Variants in PTPRO observed in about 807,000 individuals in gnomAD.
PTPRO encodes receptor-type tyrosine-protein phosphatase O.
PTPRO carries 62 observed loss-of-function variants against 145.2 expected under a neutral mutation model. That is an observed-to-expected ratio of 0.43 (90% CI 0.35 to 0.53). The LOEUF (loss-of-function observed/expected upper bound fraction) is 0.53, where lower values mean the gene tolerates loss of function less well. Among genes scored for constraint, PTPRO ranks in the 20% least tolerant of loss-of-function variants. The pLI is 0.01. For missense variants in PTPRO, 1,345 were observed against 1,482.7 expected (o/e 0.91, Z 1.53); for synonymous variants, 565 against 514.7 (o/e 1.10, Z -1.32).
At chr12:15,418,904 C>T (rs76960364) in intron 1 of PTPRO, among the ~76,000 whole-genome samples, 2,136 of 151,758 alleles carry the variant, frequency 0.014, 29 homozygotes, top group South Asian at 0.035. Flanking sequence ...GTTTCCTCTA[C>T]ACACATAAAA....
intron 7 of PTPRO, among the ~76,000 whole-genome samples, chr12:15,512,175 C>T (rs765156487): frequency 5.9e-5 from 9 of 151,876 alleles, no homozygotes; most frequent in Non-Finnish European, 1.0e-4. Context: ...AGTGCAGTGG[C>T]GTAATCTCGG....
chr12:15,548,845 T>C (rs1943373915), intron 13 of PTPRO, among the ~76,000 whole-genome samples: 1 of 152,136 alleles, frequency 6.6e-6, no homozygotes, highest in Non-Finnish European at 1.5e-5. Flanking sequence ...GTGTCATATA[T>C]GTTCATACAT....
At chr12:15,399,210 C>T (rs995665388) in intron 1 of PTPRO, among the ~76,000 whole-genome samples, 1 of 152,166 alleles carries the variant, frequency 6.6e-6, no homozygotes, top group Non-Finnish European at 1.5e-5. Flanking sequence ...TTCCAAATTC[C>T]CTTTATAGAA....
At chr12:15,538,932 G>A (rs538362502) in intron 12 of PTPRO, among the ~76,000 whole-genome samples, 1 of 152,282 alleles carries the variant, frequency 6.6e-6, no homozygotes, top group South Asian at 2.1e-4. Flanking sequence ...TGGGCTAGAT[G>A]ATCTTTTATG....
At chr12:15,338,633 A>T (rs1175052451) in intron 1 of PTPRO, among the ~76,000 whole-genome samples, 1 of 152,180 alleles carries the variant, frequency 6.6e-6, no homozygotes, top group African/African-American at 2.4e-5. Context: ...GAATCAGATA[A>T]AAAAGGAAAT....
At chr12:15,455,490 C>A (rs1231795240) in intron 1 of PTPRO, among the ~76,000 whole-genome samples, 1 of 152,162 alleles carries the variant, frequency 6.6e-6, no homozygotes, top group African/African-American at 2.4e-5. Context: ...TCCATGTACA[C>A]AGGACACCTT....
chr12:15,360,989 CAT>C (rs1371041699), intron 1 of PTPRO, among the ~76,000 whole-genome samples: 3 of 144,118 alleles, frequency 2.1e-5, no homozygotes, highest in African/African-American at 5.1e-5. Context: ...TATACACACA[CAT>C]AGTGTGTGTG....
At chr12:15,451,932 G>A (rs184965807) in intron 1 of PTPRO, among the ~76,000 whole-genome samples, 110 of 152,074 alleles carry the variant, frequency 7.2e-4, no homozygotes, top group South Asian at 2.1e-3. Context: ...CACACCTCAA[G>A]GAACTAGAGA....
chr12:15,546,328 A>C, intron 12 of PTPRO: 1 of 1,340,302 alleles, frequency 7.5e-7, no homozygotes. Flanking sequence ...ACTGAAGTAG[A>C]AAACAGAAGT....
Position 15,501,801 on chromosome 12 carries a change from C to T in PTPRO, c.843C>T (p.Ser281=), listed in dbSNP as rs767560556. The change falls in exon 5 of 27, where the codon TCC becomes TCT. Residue 281 remains serine, a synonymous_variant. Coordinates refer to ENST00000281171, the MANE Select transcript of PTPRO (RefSeq NM_030667.3). ...TPEIPSGNIS[S]GWPDFNSSDY... ...AAATTCCCTCGGGCAACATTTCTTCCGGTTGGCCTGATTTTAATAGCAGTG... is the reference window on the plus strand; with the variant it reads ...AAATTCCCTCGGGCAACATTTCTTCTGGTTGGCCTGATTTTAATAGCAGTG... 2.1e-5 allele frequency: 34 copies of T among 1,613,900 alleles called. No homozygotes were observed. The Admixed American group carries it at 4.2e-4, about 20-fold the overall frequency.
intron 7 of PTPRO, among the ~76,000 whole-genome samples, chr12:15,512,323 C>A (rs1290322683): frequency 1.3e-5 from 2 of 151,978 alleles, no homozygotes; most frequent in African/African-American, 4.8e-5. Flanking sequence ...TCGTGTTGGT[C>A]AGGCTGGTCT....
chr12:15,572,068 C>T (rs1944063601), intron 19 of PTPRO, among the ~76,000 whole-genome samples: 1 of 152,124 alleles, frequency 6.6e-6, no homozygotes, highest in Non-Finnish European at 1.5e-5. Flanking sequence ...ATCCTGAATC[C>T]TCACTACAGT....
chr12:15,470,946 T>C (rs1237352953), intron 1 of PTPRO, among the ~76,000 whole-genome samples: 1 of 152,198 alleles, frequency 6.6e-6, no homozygotes, highest in Non-Finnish European at 1.5e-5. Context: ...TGCTTTTTAA[T>C]GATGTTCTTA....
chr12:15,594,978 G>C lies in PTPRO; in HGVS notation c.3588G>C (p.Trp1196Cys), dbSNP rs763372925. The C allele has an allele frequency of 6.2e-7, 1 of 1,613,766 alleles. No homozygotes were observed. The highest frequency in any genetic ancestry group is 8.5e-7 in the Non-Finnish European group (1 of 1,179,880). The change falls in exon 26 of 27, where the codon TGG becomes TGC. Residue 1196 changes from tryptophan to cysteine, a missense_variant. Trp to Cys is a radical substitution (Grantham distance 215). Coordinates refer to ENST00000281171, the MANE Select transcript of PTPRO (RefSeq NM_030667.3). ...TCCATCAGTGTGTGCAACTGATGTG[G>C]ATGAAGAAGAAGCAGCAGTTCTGCA... ...IFIHQCVQLM[W>C]MKKKQQFCIS...
At chr12:15,553,763 C>T (rs1268105073) in intron 15 of PTPRO, among the ~76,000 whole-genome samples, 1 of 152,086 alleles carries the variant, frequency 6.6e-6, no homozygotes, top group Non-Finnish European at 1.5e-5. Flanking sequence ...CAGAGACAGG[C>T]ATATCAACTG....
chr12:15,508,843 A>C (rs1023753471), intron 7 of PTPRO, 76 bp downstream of exon 7: 4 of 1,467,762 alleles, frequency 2.7e-6, no homozygotes, highest in Non-Finnish European at 3.8e-6. Context: ...CAAGGAGGCA[A>C]TTGTAGGAAG....
intron 6 of PTPRO, among the ~76,000 whole-genome samples, chr12:15,507,799 A>G (rs1942354194): frequency 6.6e-6 from 1 of 152,226 alleles, no homozygotes; most frequent in South Asian, 2.1e-4. Flanking sequence ...GCTTAGGAAT[A>G]CAGCATCAAA....
chr12:15,468,142 C>A (rs543961430), intron 1 of PTPRO, among the ~76,000 whole-genome samples: 29 of 152,102 alleles, frequency 1.9e-4, no homozygotes, highest in Non-Finnish European at 3.4e-4. Context: ...TGTTTGCTTG[C>A]CTAGGTTCCT....
chr12:15,592,234 G>A (rs1168715750), intron 25 of PTPRO, among the ~76,000 whole-genome samples: 1 of 152,088 alleles, frequency 6.6e-6, no homozygotes, highest in African/African-American at 2.4e-5. Flanking sequence ...AAATTCTGCT[G>A]CCAGGTCACA....
Sources: gnomAD v4.1 joint callset for allele counts (sites outside exome capture counted in the v4.1 genomes callset) on GRCh38, gnomAD v4.1.1 for gene constraint, MANE v1.5 for transcripts, NCBI Gene and HGNC (gene_info 2026-07-23, HGNC 2026-07-21) for gene names.